KCNK13: variants seen among roughly 807,000 people sequenced by gnomAD.
KCNK13 encodes potassium channel subfamily K member 13.
KCNK13 carries 12 observed loss-of-function variants against 23.4 expected under a neutral mutation model. The observed-to-expected ratio is 0.51, with a 90% CI of 0.33 to 0.83. KCNK13 has a LOEUF of 0.83. Among genes scored for constraint, KCNK13 ranks in the 40% least tolerant of loss-of-function variants. KCNK13 has a pLI of 0.02. For missense variants in KCNK13, 463 were observed against 556.3 expected, an observed-to-expected ratio of 0.83 and a Z score of 1.69; for synonymous variants, 231 against 229.5, an observed-to-expected ratio of 1.01 and a Z score of -0.06.
At chr14:90,107,883 G>A (rs139748614) in intron 1 of KCNK13, 2 of 793,016 alleles carry the variant, frequency 2.5e-6, no homozygotes, top group East Asian at 2.5e-5. Context: ...GCAAGAATGG[G>A]GCCTTGAGTC....
intron 1 of KCNK13, among the ~76,000 whole-genome samples, chr14:90,083,099 T>C (rs72697391): frequency 1.3e-5 from 2 of 152,364 alleles, no homozygotes; most frequent in Non-Finnish European, 2.9e-5. Flanking sequence ...GCCCATCTTT[T>C]AATTGGGTTA....
At chr14:90,111,521 T>G (rs1889615032) in intron 1 of KCNK13, among the ~76,000 whole-genome samples, 1 of 152,148 alleles carries the variant, frequency 6.6e-6, no homozygotes, top group Admixed American at 6.5e-5. Flanking sequence ...GTGAATTTCA[T>G]TGATTCTAGT....
chr14:90,094,683 T>C (rs1331110676), intron 1 of KCNK13, among the ~76,000 whole-genome samples: 2 of 142,994 alleles, frequency 1.4e-5, no homozygotes, highest in Non-Finnish European at 3.0e-5. Flanking sequence ...GGAGCCTCAC[T>C]GTCGCCCAGG....
intron 1 of KCNK13, among the ~76,000 whole-genome samples, chr14:90,157,381 AG>A (rs991922809): frequency 9.2e-5 from 14 of 152,238 alleles, no homozygotes; most frequent in African/African-American, 3.4e-4. Context: ...ACGAAAAAAA[AG>A]TGTCGGCATT....
intron 1 of KCNK13, among the ~76,000 whole-genome samples, chr14:90,084,503 A>G (rs1223658842): frequency 3.3e-5 from 5 of 152,216 alleles, no homozygotes; most frequent in African/African-American, 1.2e-4. Flanking sequence ...TGGCCTTGCT[A>G]CGCTAATGTA....
intron 1 of KCNK13, among the ~76,000 whole-genome samples, chr14:90,169,906 A>T (rs1219339353): frequency 6.6e-6 from 1 of 152,210 alleles, no homozygotes; most frequent in African/African-American, 2.4e-5. Flanking sequence ...GGGCAGGGGT[A>T]GGAGGAAGAG....
At chr14:90,148,467 A>T (rs577530724) in intron 1 of KCNK13, among the ~76,000 whole-genome samples, 1 of 152,366 alleles carries the variant, frequency 6.6e-6, no homozygotes, top group East Asian at 1.9e-4. Flanking sequence ...TGCCACAGAT[A>T]AGAAAGGAGC....
At chr14:90,126,274 G>C (rs1431190601) in intron 1 of KCNK13, among the ~76,000 whole-genome samples, 1 of 152,114 alleles carries the variant, frequency 6.6e-6, no homozygotes, top group Non-Finnish European at 1.5e-5. Flanking sequence ...TGTGGGCTGT[G>C]CATAGTGACT....
At chr14:90,070,958 A>G (rs942413673) in intron 1 of KCNK13, among the ~76,000 whole-genome samples, 7 of 152,108 alleles carry the variant, frequency 4.6e-5, no homozygotes, top group African/African-American at 1.2e-4. Flanking sequence ...GATTTGTTCA[A>G]TTATTTGTTT....
chr14:90,105,203 G>A (rs574876916), intron 1 of KCNK13, among the ~76,000 whole-genome samples: 29 of 152,160 alleles, frequency 1.9e-4, no homozygotes, highest in Admixed American at 1.6e-3. Context: ...TCTCATTCAC[G>A]CTGGTCTCCT....
At position 90,087,149 on chromosome 14, in the gene KCNK13, TATA is replaced by T. The variant is rs1390499374; in HGVS notation, c.334+24611_334+24613del. On this transcript the variant is annotated intron_variant, in intron 1 of 1. Coordinates refer to ENST00000282146, the MANE Select transcript of KCNK13 (RefSeq NM_022054.4). Reference sequence around the variant, plus strand: ...ATATACATATATATATATATATATATATATATTTTTTTTTTTTATTGAGATGGG... The same window carrying T: ...ATATACATATATATATATATATATATTATTTTTTTTTTTTATTGAGATGGG... Among the ~76,000 whole-genome samples the T allele has an allele frequency of 0.012, 1,395 of 114,142 alleles. 33 individuals are homozygous for T. The East Asian group carries it at 0.14, about 11-fold the overall frequency. 74.9% of individuals were successfully genotyped at this position (114,142 alleles called of 152,430 possible). A position where few individuals can be genotyped will look rare whatever the true frequency, so the allele number is the denominator to read the frequency against.
chr14:90,101,648 G>A (rs1363193578), intron 1 of KCNK13, among the ~76,000 whole-genome samples: 4 of 151,418 alleles, frequency 2.6e-5, no homozygotes, highest in African/African-American at 7.3e-5. Context: ...AAATTAGCTA[G>A]GTGTGGTGGC....
chr14:90,170,803 G>T (rs1890356730), intron 1 of KCNK13, among the ~76,000 whole-genome samples: 1 of 151,708 alleles, frequency 6.6e-6, no homozygotes, highest in Non-Finnish European at 1.5e-5. Flanking sequence ...ACAAAATGGG[G>T]CAGGGGAACA....
intron 1 of KCNK13, among the ~76,000 whole-genome samples, chr14:90,163,943 C>G (rs1890276522): frequency 6.6e-6 from 1 of 152,168 alleles, no homozygotes; most frequent in Non-Finnish European, 1.5e-5. Context: ...CCTCTTGCCT[C>G]AGCCTCCCAA....
At chr14:90,101,536 C>T (rs1889476907) in intron 1 of KCNK13, among the ~76,000 whole-genome samples, 1 of 151,848 alleles carries the variant, frequency 6.6e-6, no homozygotes, top group South Asian at 2.1e-4. Flanking sequence ...GTGGTATAAT[C>T]CCAGCACTTT....
intron 1 of KCNK13, among the ~76,000 whole-genome samples, chr14:90,076,329 C>A (rs368642583): frequency 1.3e-5 from 2 of 152,236 alleles, no homozygotes; most frequent in African/African-American, 4.8e-5. Flanking sequence ...AGTCCCAGAA[C>A]CTTCTGTCTT....
rs142736151 is a variant in KCNK13 at position 90,114,219 on chromosome 14, G to A, written c.334+51680G>A. ...GTTGCTGCCCTTCGTGGACTTGTGT[G>A]TACTTCAAGCCATCTGCCCCTCCCC... On this transcript the variant is annotated intron_variant, in intron 1 of 1. Coordinates refer to ENST00000282146, the MANE Select transcript of KCNK13 (RefSeq NM_022054.4). Among the ~76,000 whole-genome samples the A allele has an allele frequency of 3.3e-3, 508 of 152,254 alleles. 14 individuals are homozygous for A. Among genetic ancestry groups the A allele is most frequent in the Admixed American group, 0.03 (453 of 15,292 alleles).
chr14:90,164,422 G>T (rs1032629821), intron 1 of KCNK13, among the ~76,000 whole-genome samples: 1 of 152,200 alleles, frequency 6.6e-6, no homozygotes, highest in Non-Finnish European at 1.5e-5. Context: ...TGAGGTTTCA[G>T]TTGTATCTCT....
intron 1 of KCNK13, among the ~76,000 whole-genome samples, chr14:90,168,759 A>G (rs1241276889): frequency 6.6e-6 from 1 of 152,110 alleles, no homozygotes; most frequent in Non-Finnish European, 1.5e-5. Flanking sequence ...GTTTCCTTCT[A>G]CCTTATTCAC....
Sources: allele counts gnomAD v4.1 joint callset (sites outside exome capture counted in the v4.1 genomes callset), GRCh38; gene constraint gnomAD v4.1.1; transcripts MANE v1.5; gene names NCBI Gene and HGNC (gene_info 2026-07-23, HGNC 2026-07-21).